The following MARCHF1 variants were observed in gnomAD, a reference collection of about 807,000 sequenced individuals.
The protein encoded by MARCHF1 is membrane associated ring-CH-type finger 1.
Under a neutral mutation model 54.2 loss-of-function variants are expected in MARCHF1, and 40 were observed. The observed-to-expected ratio is 0.74, with a 90% CI of 0.57 to 0.96. The LOEUF (loss-of-function observed/expected upper bound fraction) is 0.96. MARCHF1 is among the 40% of genes least tolerant of loss of function. MARCHF1 has a pLI of 0.00. For missense variants in MARCHF1, 586 were observed against 656.5 expected (o/e 0.89, Z 1.17); for synonymous variants, 236 against 236.3 (o/e 1.00, Z 0.01).
chr4:164,101,227 G>A (rs1457302829), intron 2 of MARCHF1, among the ~76,000 whole-genome samples: 30 of 152,178 alleles, frequency 2.0e-4, no homozygotes, highest in Non-Finnish European at 2.2e-4. Context: ...GGTAAACAAA[G>A]CAGCCTGGAA....
At chr4:163,835,358 A>C (rs1749152198) in intron 4 of MARCHF1, among the ~76,000 whole-genome samples, 1 of 152,212 alleles carries the variant, frequency 6.6e-6, no homozygotes, top group Non-Finnish European at 1.5e-5. Context: ...GTTTCAAATC[A>C]AGTTTAGCCT....
rs1755148735 is a variant in MARCHF1 at position 164,083,954 on chromosome 4, C to G, written c.-248+27634G>C. 4.6e-5 allele frequency among the ~76,000 whole-genome samples: 7 copies of G among 151,956 alleles called. 1 individual carries two copies. In the South Asian group the frequency reaches 1.2e-3, roughly 27 times the overall value. ...TTTTAACCTAGAGATATAATTTTTGCTTTTGTTTTTGTTTTCAACCTATTT... is the reference window on the plus strand; with the variant it reads ...TTTTAACCTAGAGATATAATTTTTGGTTTTGTTTTTGTTTTCAACCTATTT... On this transcript the variant is annotated intron_variant, in intron 2 of 9. Coordinates refer to ENST00000514618, the MANE Select transcript of MARCHF1 (RefSeq NM_001394959.1).
chr4:163,840,893 A>C (rs1435227103), intron 4 of MARCHF1, among the ~76,000 whole-genome samples: 2 of 152,138 alleles, frequency 1.3e-5, no homozygotes, highest in African/African-American at 2.4e-5. Context: ...ATCACGATAT[A>C]CAACTTAAAT....
intron 3 of MARCHF1, among the ~76,000 whole-genome samples, chr4:163,912,126 GA>G (rs1396627378): frequency 1.3e-5 from 2 of 150,714 alleles, no homozygotes; most frequent in Admixed American, 1.3e-4. Flanking sequence ...AGCCAGCAGG[GA>G]AAAAAACGAG....
intron 5 of MARCHF1, among the ~76,000 whole-genome samples, chr4:163,650,365 C>T (rs1228571940): frequency 6.6e-6 from 1 of 151,930 alleles, no homozygotes; most frequent in East Asian, 1.9e-4. Context: ...AAACATGAGA[C>T]TTTGTGGCAG....
intron 1 of MARCHF1, among the ~76,000 whole-genome samples, chr4:164,206,932 A>G (rs1731622795): frequency 6.6e-6 from 1 of 152,168 alleles, no homozygotes. Context: ...GTATGATAAT[A>G]CTAAAAAAAT....
At chr4:163,611,383 A>G (rs1741334771) in intron 7 of MARCHF1, among the ~76,000 whole-genome samples, 1 of 152,082 alleles carries the variant, frequency 6.6e-6, no homozygotes, top group Admixed American at 6.6e-5. Flanking sequence ...AATTCACACG[A>G]ACATGCATAC....
intron 9 of MARCHF1, among the ~76,000 whole-genome samples, chr4:163,539,933 A>G (rs983334173): frequency 7.2e-5 from 11 of 152,116 alleles, no homozygotes; most frequent in Non-Finnish European, 1.2e-4. Context: ...CTGAAAATAT[A>G]TTTCCTTTGG....
intron 7 of MARCHF1, among the ~76,000 whole-genome samples, chr4:163,593,553 T>G (rs2110856516): frequency 6.6e-6 from 1 of 152,326 alleles, no homozygotes; most frequent in African/African-American, 2.4e-5. Context: ...AATTCTTAAT[T>G]CAAACTGATT....
chr4:163,593,008 T>G (rs1480799081), intron 7 of MARCHF1, among the ~76,000 whole-genome samples: 1 of 152,114 alleles, frequency 6.6e-6, no homozygotes, highest in Non-Finnish European at 1.5e-5. Context: ...TCTTTTAGGA[T>G]AATCCCTTCC....
In MARCHF1 at chr4:164,211,278, GTA is replaced by G. The variant is rs10548085; in HGVS notation, c.-322-99618_-322-99617del. ...TTAATAAGCTTGATTTAATCTTTAT[GTA>G]TATATATATATATATACCACATTGC... On this transcript the variant is annotated intron_variant, in intron 1 of 9. Coordinates refer to ENST00000514618, the MANE Select transcript of MARCHF1 (RefSeq NM_001394959.1). 1.8e-3 allele frequency among the ~76,000 whole-genome samples: 262 copies of G among 145,812 alleles called. 1 individual carries two copies. The highest frequency in any genetic ancestry group is 5.0e-3 in the Admixed American group (73 of 14,614).
In MARCHF1 at chr4:164,161,539, T is replaced by TCAGCAG. The variant is rs1255457067; in HGVS notation, c.-322-49878_-322-49877insCTGCTG. Among the ~76,000 whole-genome samples the TCAGCAG allele has an allele frequency of 5.9e-3, 893 of 150,682 alleles. 5 individuals are homozygous for TCAGCAG. Among genetic ancestry groups the TCAGCAG allele is most frequent in the African/African-American group, 0.021 (845 of 40,554 alleles). ...TGTGATATCAAAATCATCATCATCA[T>TCAGCAG]CATCATCAGCAGCAGCAGCAGCAGC... On this transcript the variant is annotated intron_variant, in intron 1 of 9. Transcript: ENST00000514618.
intron 3 of MARCHF1, among the ~76,000 whole-genome samples, chr4:163,879,987 T>A (rs1230586307): frequency 6.6e-6 from 1 of 152,130 alleles, no homozygotes; most frequent in Admixed American, 6.6e-5. Flanking sequence ...TTGTAACAGC[T>A]GCCCATGATG....
intron 3 of MARCHF1, among the ~76,000 whole-genome samples, chr4:163,866,466 T>TTATATATATATA (rs57733725): frequency 0.036 from 4,439 of 124,328 alleles, 228 homozygotes; most frequent in Middle Eastern, 0.099. Context: ...AAAGCTGTAG[T>TTATATATATATA]TATATATATA....
At chr4:164,172,019 G>A (rs1730539378) in intron 1 of MARCHF1, among the ~76,000 whole-genome samples, 1 of 152,096 alleles carries the variant, frequency 6.6e-6, no homozygotes, top group Non-Finnish European at 1.5e-5. Flanking sequence ...CTCCAACATG[G>A]GGTAGAATTA....
chr4:163,981,481 T>C lies in MARCHF1; in HGVS notation c.-39+7020A>G, dbSNP rs76551776. On this transcript the variant is annotated intron_variant, in intron 3 of 9. Transcript: ENST00000514618. ...CCCCATGTCATGCCTCTTTCAATTA[T>C]TTAACAGGGTCGCAGAGACAAGGAA... Among the ~76,000 whole-genome samples the C allele has an allele frequency of 8.6e-3, 1,306 of 152,274 alleles. 10 individuals carry two copies. The highest frequency in any genetic ancestry group is 0.014 in the Non-Finnish European group (925 of 68,006).
At chr4:164,207,939 A>G (rs1286879536) in intron 1 of MARCHF1, among the ~76,000 whole-genome samples, 1 of 152,162 alleles carries the variant, frequency 6.6e-6, no homozygotes, top group African/African-American at 2.4e-5. Context: ...TACCTATGTA[A>G]CAAACCTGCA....
At chr4:164,373,282 C>T (rs919943064) in intron 1 of MARCHF1, among the ~76,000 whole-genome samples, 16 of 151,572 alleles carry the variant, frequency 1.1e-4, no homozygotes, top group African/African-American at 3.4e-4. Flanking sequence ...GCTTCTCCAA[C>T]TACCATTTGT....
At chr4:163,760,289 T>C (rs925446009) in intron 4 of MARCHF1, among the ~76,000 whole-genome samples, 4 of 152,232 alleles carry the variant, frequency 2.6e-5, no homozygotes, top group Non-Finnish European at 4.4e-5. Flanking sequence ...AGTGAGCCCA[T>C]CCAGATTATC....
Sources: gnomAD v4.1 joint callset for allele counts (sites outside exome capture counted in the v4.1 genomes callset) on GRCh38, gnomAD v4.1.1 for gene constraint, MANE v1.5 for transcripts, NCBI Gene and HGNC (gene_info 2026-07-23, HGNC 2026-07-21) for gene names.